The following TMEM131L variants were observed in gnomAD, a reference collection of about 807,000 sequenced individuals.
TMEM131L encodes the protein transmembrane protein 131-like.
TMEM131L carries 54 observed loss-of-function variants against 192.2 expected under a neutral mutation model. The observed-to-expected ratio is 0.28, with a 90% CI of 0.23 to 0.35. The LOEUF is 0.35. Ranked by LOEUF, TMEM131L falls within the 10% of genes least tolerant of loss-of-function variation. The pLI is 1.00. For missense variants in TMEM131L, 1,888 were observed against 1,972.9 expected (o/e 0.96, Z 0.82); for synonymous variants, 701 against 704.9 (o/e 0.99, Z 0.09).
chr4:153,495,269 G>A (rs189869258), intron 3 of TMEM131L, among the ~76,000 whole-genome samples: 3 of 152,074 alleles, frequency 2.0e-5, no homozygotes, highest in East Asian at 1.9e-4. Flanking sequence ...GCAGTGACCC[G>A]AGATTGTGCC....
intron 7 of TMEM131L, among the ~76,000 whole-genome samples, chr4:153,566,067 A>AAGT (rs1729167278): frequency 6.6e-6 from 1 of 152,124 alleles, no homozygotes; most frequent in Non-Finnish European, 1.5e-5. Context: ...AAAGAACTTA[A>AAGT]ATTATTATTA....
intron 4 of TMEM131L, among the ~76,000 whole-genome samples, chr4:153,552,845 A>G (rs923662257): frequency 1.3e-5 from 2 of 152,088 alleles, no homozygotes; most frequent in Non-Finnish European, 2.9e-5. Flanking sequence ...AAAAAACAAA[A>G]ACAAAAAAAA....
intron 3 of TMEM131L, among the ~76,000 whole-genome samples, chr4:153,544,514 C>G (rs1038705995): frequency 6.6e-6 from 1 of 152,190 alleles, no homozygotes; most frequent in Non-Finnish European, 1.5e-5. Context: ...TTCCCTTACC[C>G]CTCACACTGG....
chr4:153,496,421 A>G (rs549442938), intron 3 of TMEM131L, among the ~76,000 whole-genome samples: 1 of 152,220 alleles, frequency 6.6e-6, no homozygotes. Context: ...ATTATTCAGC[A>G]GGGAACACAA....
At chr4:153,558,215 T>A in intron 6 of TMEM131L, 43 bp from the exon 7 acceptor site, 1 of 1,108,842 alleles carries the variant, frequency 9.0e-7, no homozygotes, top group African/African-American at 1.6e-5. Flanking sequence ...AAATGTGTTT[T>A]AAAACTCTTA....
At chr4:153,474,336 CT>C (rs1731374865) in intron 3 of TMEM131L, among the ~76,000 whole-genome samples, 2 of 152,270 alleles carry the variant, frequency 1.3e-5, no homozygotes, top group South Asian at 4.1e-4. Context: ...GGTGGATGGG[CT>C]CCTTTTGGGA....
intron 7 of TMEM131L, among the ~76,000 whole-genome samples, chr4:153,572,132 T>A (rs750151211): frequency 2.6e-5 from 4 of 152,170 alleles, no homozygotes; most frequent in Non-Finnish European, 4.4e-5. Context: ...TGTGTAACGA[T>A]CCACTCAGGG....
intron 3 of TMEM131L, among the ~76,000 whole-genome samples, chr4:153,519,257 CAT>C (rs756964877): frequency 1.3e-5 from 2 of 152,120 alleles, no homozygotes; most frequent in Non-Finnish European, 2.9e-5. Flanking sequence ...GTTCTGATGT[CAT>C]GTGTAAATAT....
intron 17 of TMEM131L, among the ~76,000 whole-genome samples, chr4:153,592,069 C>A (rs908628425): frequency 1.2e-4 from 19 of 152,042 alleles, no homozygotes; most frequent in Middle Eastern, 3.4e-3. Flanking sequence ...GTATAATGAT[C>A]AAAATCAGAA....
chr4:153,634,083 T>G, intron 32 of TMEM131L, 109 bp from the exon 33 acceptor site: 1 of 892,532 alleles, frequency 1.1e-6, no homozygotes, highest in East Asian at 2.4e-5. Context: ...TTTCCAAAAT[T>G]GGGGAATTCA....
rs549058431 is a variant in TMEM131L at position 153,544,675 on chromosome 4, G to A, written c.240-5398G>A. Reference sequence around the variant, plus strand: ...AGCAGCCTTTGTTCAGTGTCCCTCCGTGGTAGCTGCTCATTGAGGCCCACT... The same window carrying A: ...AGCAGCCTTTGTTCAGTGTCCCTCCATGGTAGCTGCTCATTGAGGCCCACT... On this transcript the variant is annotated intron_variant, in intron 3 of 34. Coordinates refer to ENST00000409959, the MANE Select transcript of TMEM131L (RefSeq NM_001131007.2). 5.9e-5 allele frequency among the ~76,000 whole-genome samples: 9 copies of A among 152,280 alleles called. No individual in the cohort carries two copies. The East Asian group carries it at 1.5e-3, about 26-fold the overall frequency.
intron 3 of TMEM131L, among the ~76,000 whole-genome samples, chr4:153,480,207 C>T (rs977512040): frequency 3.3e-5 from 5 of 152,152 alleles, no homozygotes; most frequent in Admixed American, 2.6e-4. Flanking sequence ...GGCGTGGTGG[C>T]GGACGCCTGT....
chr4:153,556,489 A>C (rs79535729), intron 5 of TMEM131L, among the ~76,000 whole-genome samples: 2 of 149,716 alleles, frequency 1.3e-5, no homozygotes, highest in Admixed American at 1.3e-4. Context: ...TTTGCTTACT[A>C]TGTCTGCCTG....
intron 7 of TMEM131L, among the ~76,000 whole-genome samples, chr4:153,566,734 T>C (rs1561198266): frequency 6.6e-6 from 1 of 152,228 alleles, no homozygotes; most frequent in Non-Finnish European, 1.5e-5. Context: ...AATAGTTGGT[T>C]GTCTCCTTGC....
chr4:153,482,648 A>G (rs1045316672), intron 3 of TMEM131L, among the ~76,000 whole-genome samples: 5 of 152,154 alleles, frequency 3.3e-5, no homozygotes, highest in East Asian at 3.9e-4. Context: ...CTGGAGTTCA[A>G]TTGTGCTGTC....
At chr4:153,574,311 G>C (rs1216222209) in intron 7 of TMEM131L, among the ~76,000 whole-genome samples, 10 of 145,060 alleles carry the variant, frequency 6.9e-5, no homozygotes, top group South Asian at 4.3e-4. Context: ...GGAATAAAAG[G>C]GTAGTGGTGG....
intron 25 of TMEM131L, among the ~76,000 whole-genome samples, chr4:153,610,780 C>T (rs556442489): frequency 1.3e-5 from 2 of 152,238 alleles, no homozygotes; most frequent in African/African-American, 4.8e-5. Flanking sequence ...GCCTCAAGTC[C>T]CACAGAAGGG....
At position 153,539,849 on chromosome 4, in the gene TMEM131L, G is replaced by A. The variant is rs113894337; in HGVS notation, c.240-10224G>A. ...GTCAGGGCCGGGCACGGTGGCTTAC[G>A]CCTGTAATTCCAGCACTATGGGAGG... On this transcript the variant is annotated intron_variant, in intron 3 of 34. Transcript: ENST00000409959. 1.6e-3 allele frequency among the ~76,000 whole-genome samples: 247 copies of A among 151,790 alleles called. 1 individual carries two copies. Among genetic ancestry groups the A allele is most frequent in the Middle Eastern group, 6.8e-3 (2 of 294 alleles).
rs1254397299 is a variant in TMEM131L, at chr4:153,583,246, C to G, written c.949C>G (p.Gln317Glu). 1.4e-6 allele frequency: 2 copies of G among 1,381,362 alleles called. No homozygotes were observed. The highest frequency in any genetic ancestry group is 1.0e-6 in the Non-Finnish European group (1 of 968,948). The allele number at this position is 1,381,362 out of a possible 1,614,324, so 85.6% of individuals were successfully genotyped here. A position where few individuals can be genotyped will look rare whatever the true frequency, so the allele number is the denominator to read the frequency against. The change falls in exon 10 of 35, where the codon CAG becomes GAG. Residue 317 changes from glutamine (Q) to glutamate (E), a missense_variant and splice_region_variant. By Grantham distance (29) the Gln-to-Glu change is conservative (BLOSUM62 2). Coordinates refer to ENST00000409959, the MANE Select transcript of TMEM131L (RefSeq NM_001131007.2). Reference sequence around the variant, plus strand: ...TTCAGGAAACAGCCTTATATGGATACAGGTAATTGTAAATGCTTACCTAAA... The same window carrying G: ...TTCAGGAAACAGCCTTATATGGATAGAGGTAATTGTAAATGCTTACCTAAA... ...LHSGNSLIWIQDIRHFSQRDA... is the reference protein window; with the variant it reads ...LHSGNSLIWIEDIRHFSQRDA...
Sources: gnomAD v4.1 joint callset for allele counts (sites outside exome capture counted in the v4.1 genomes callset) on GRCh38, gnomAD v4.1.1 for gene constraint, MANE v1.5 for transcripts, NCBI Gene and HGNC (gene_info 2026-07-23, HGNC 2026-07-21) for gene names.